The following ARHGEF10L variants were observed in gnomAD, a reference collection of about 807,000 sequenced individuals.
The protein encoded by ARHGEF10L is Rho guanine nucleotide exchange factor 10 like, also known as rho guanine nucleotide exchange factor 10-like protein.
Under a neutral mutation model 141.2 loss-of-function variants are expected in ARHGEF10L, and 69 were observed. The observed-to-expected ratio is 0.49, with a 90% confidence interval of 0.40 to 0.60. ARHGEF10L has a LOEUF of 0.60. Ranked by LOEUF, ARHGEF10L falls within the 20% of genes least tolerant of loss-of-function variation. ARHGEF10L has a pLI of 0.00. For missense variants in ARHGEF10L, 1,482 were observed against 1,734.3 expected (o/e 0.85, Z 2.58); for synonymous variants, 711 against 718.5 (o/e 0.99, Z 0.17).
At chr1:17,663,284 G>T (rs1455247947) in intron 25 of ARHGEF10L, among the ~76,000 whole-genome samples, 1 of 152,166 alleles carries the variant, frequency 6.6e-6, no homozygotes, top group East Asian at 1.9e-4. Context: ...AGGCACGGTG[G>T]CTCATGCCTG....
At chr1:17,535,615 G>A (rs1557678358), upstream of ARHGEF10L, among the ~76,000 whole-genome samples, 2 of 152,174 alleles carry the variant, frequency 1.3e-5, no homozygotes, top group Non-Finnish European at 2.9e-5. Context: ...CAGGTCAGCA[G>A]CGGAGACAAG....
At chr1:17,559,421 T>TGA (rs1215584295) in intron 1 of ARHGEF10L, among the ~76,000 whole-genome samples, 1 of 152,166 alleles carries the variant, frequency 6.6e-6, no homozygotes, top group Non-Finnish European at 1.5e-5. Context: ...CCCCTACCTC[T>TGA]GACTGATTGT....
At position 17,637,922 on chromosome 1, in the gene ARHGEF10L, G is replaced by A. The variant is rs1276151267; in HGVS notation, c.1962G>A (p.Gln654=). 1.9e-6 allele frequency: 3 copies of A among 1,600,164 alleles called. No homozygotes were observed. Among genetic ancestry groups the A allele is most frequent in the Middle Eastern group, 1.7e-4 (1 of 6,046 alleles). The part of the protein sequence containing the change: ...KVYLGPPRLF[Q]ELQDLQKDLA... The stretch of plus-strand genomic sequence containing the variant: ...ACCTCGGCCCCCCACGCCTCTTCCA[G>A]GAGCTGCAGGACCTGCAGAAGGACC... The change falls in exon 19 of 29, where the codon CAG becomes CAA. Residue 654 remains glutamine, a synonymous_variant. Coordinates refer to ENST00000361221, the MANE Select transcript of ARHGEF10L (RefSeq NM_018125.4).
At chr1:17,584,024 A>C (rs967431043) in intron 2 of ARHGEF10L, among the ~76,000 whole-genome samples, 8 of 151,814 alleles carry the variant, frequency 5.3e-5, no homozygotes, top group African/African-American at 1.9e-4. Flanking sequence ...GCCGATTTTA[A>C]AATTATTAAA....
chr1:17,572,579 GC>G (rs2078047852), intron 1 of ARHGEF10L, among the ~76,000 whole-genome samples: 1 of 152,184 alleles, frequency 6.6e-6, no homozygotes, highest in South Asian at 2.1e-4. Context: ...ATCAGAACAC[GC>G]CTGATCCCCT....
At position 17,631,111 on chromosome 1, in the gene ARHGEF10L, T is replaced by C. The variant is rs370044383; in HGVS notation, c.1585-1210T>C. Reference sequence around the variant, plus strand: ...CTGGGGGTGATCTGTCTTTTTCTCTTTGGGGAGGCTCAGGGTGATCTGTCC... The same window carrying C: ...CTGGGGGTGATCTGTCTTTTTCTCTCTGGGGAGGCTCAGGGTGATCTGTCC... On this transcript the variant is annotated intron_variant, in intron 15 of 28. Transcript: ENST00000361221. Among the ~76,000 whole-genome samples the C allele has an allele frequency of 3.6e-5, 5 of 137,186 alleles. No individual in the cohort carries two copies. The East Asian group carries it at 6.7e-4, about 19-fold the overall frequency. The allele number at this position is 137,186 out of a possible 152,430, so 90.0% of individuals were successfully genotyped here.
intron 26 of ARHGEF10L, among the ~76,000 whole-genome samples, chr1:17,682,636 C>G (rs2064214862): frequency 6.6e-6 from 1 of 152,136 alleles, no homozygotes; most frequent in Non-Finnish European, 1.5e-5. Context: ...GTGTATAAAC[C>G]TAACAGCACG....
At chr1:17,595,220 CTTTT>C (rs58475060) in intron 4 of ARHGEF10L, among the ~76,000 whole-genome samples, 25 of 106,102 alleles carry the variant, frequency 2.4e-4, no homozygotes, top group African/African-American at 7.3e-4. Context: ...CGTGGCTCAC[CTTTT>C]TTTTTTTTTT....
Position 17,687,649 on chromosome 1 carries a change from CCTT to C in ARHGEF10L, c.3089_3091del (p.Phe1030del). 1 of 1,612,742 alleles carries C rather than the reference CCTT, an allele frequency of 6.2e-7. No homozygotes were observed. The highest frequency in any genetic ancestry group is 8.5e-7 in the Non-Finnish European group (1 of 1,179,782). On this transcript the variant is annotated inframe_deletion, in exon 27 of 29. Transcript: ENST00000361221. ...AAGGCGGGCAGCGGCGTCTGGATGG[CCTT>C]CTCCTCCGGCACCTCCATCCGCCTC...
the ARHGEF10L span, among the ~76,000 whole-genome samples, chr1:17,523,378 C>T: frequency 2.6e-5 from 4 of 152,078 alleles, no homozygotes; most frequent in African/African-American, 4.8e-5. Context: ...TGTGAGCCAC[C>T]GCGCCCGGCC....
At chr1:17,533,542 C>T in the ARHGEF10L span, among the ~76,000 whole-genome samples, 1 of 152,132 alleles carries the variant, frequency 6.6e-6, no homozygotes, top group Admixed American at 6.5e-5. Context: ...ATACTAAGTC[C>T]CGTAAAGGAG....
In ARHGEF10L at chr1:17,621,765, T is replaced by G; in HGVS notation, c.943-99T>G. 1 of 1,085,378 alleles carries G rather than the reference T, an allele frequency of 9.2e-7. No homozygotes were observed. The highest frequency in any genetic ancestry group is 1.3e-5 in the South Asian group (1 of 78,598). 67.2% of individuals were successfully genotyped at this position (1,085,378 alleles called of 1,614,324 possible). Reference sequence around the variant, plus strand: ...GGTCCCAGGTGGGACCTGGGAGGGATGGGTTTCTCTGTCCTATAGTTGTCA... The same window carrying G: ...GGTCCCAGGTGGGACCTGGGAGGGAGGGGTTTCTCTGTCCTATAGTTGTCA... On this transcript the variant is annotated intron_variant, in intron 10 of 28. Transcript: ENST00000361221. This position sits in a 1 kb window ranked among gnomAD's most constrained non-coding sequence, Gnocchi z 4.1.
At chr1:17,685,656 A>G (rs1426046601) in intron 26 of ARHGEF10L, among the ~76,000 whole-genome samples, 1 of 152,246 alleles carries the variant, frequency 6.6e-6, no homozygotes, top group Non-Finnish European at 1.5e-5. Flanking sequence ...TGCAGTCATC[A>G]CGACATTTCC....
chr1:17,566,577 C>A (rs144111445), intron 1 of ARHGEF10L, among the ~76,000 whole-genome samples: 2 of 152,182 alleles, frequency 1.3e-5, no homozygotes, highest in African/African-American at 4.8e-5. Flanking sequence ...AGAAGCAGGG[C>A]CCCTGGCGGA....
At chr1:17,684,428 T>A (rs561071740) in intron 26 of ARHGEF10L, among the ~76,000 whole-genome samples, 1 of 152,266 alleles carries the variant, frequency 6.6e-6, no homozygotes, top group East Asian at 1.9e-4. Flanking sequence ...CTACTAAACC[T>A]GACTTTGCAC....
In ARHGEF10L at chr1:17,615,894, G is replaced by A. The variant is rs1570938148; in HGVS notation, c.727-200G>A. 3.5e-6 allele frequency: 2 copies of A among 563,446 alleles called. No homozygotes were observed. The highest frequency in any genetic ancestry group is 3.1e-5 in the Admixed American group (1 of 32,772). The allele number at this position is 563,446 out of a possible 1,614,324, so 34.9% of individuals were successfully genotyped here. ...AAAAAATCGGTTACAGCCTCCTGTTGCCCCTAAAGAGGGAGATCCCCGGGC... is the reference window on the plus strand; with the variant it reads ...AAAAAATCGGTTACAGCCTCCTGTTACCCCTAAAGAGGGAGATCCCCGGGC... On this transcript the variant is annotated intron_variant, in intron 8 of 28. Transcript: ENST00000361221. The surrounding 1 kb of genome is among the most constrained non-coding windows in gnomAD (Gnocchi z 4.7).
intron 11 of ARHGEF10L, among the ~76,000 whole-genome samples, 189 bp from the exon 12 acceptor site, chr1:17,622,807 G>A (rs2060176008): frequency 6.6e-6 from 1 of 152,200 alleles, no homozygotes; most frequent in Non-Finnish European, 1.5e-5. Context: ...GGTGTTGTGT[G>A]TGGCCAGTGA....
chr1:17,634,180 C>T (rs1038811907), intron 16 of ARHGEF10L: 13 of 351,436 alleles, frequency 3.7e-5, no homozygotes, highest in Non-Finnish European at 6.2e-5. Flanking sequence ...GTGGTGCCGG[C>T]GGTATGATGA....
chr1:17,621,996 G>C lies in ARHGEF10L; in HGVS notation c.1020+55G>C. ...CTGGGGAGAAGCAGGGAGGGCCCTG[G>C]AGGGTAACTTTATACGGAGTGTTTG... On this transcript the variant is annotated intron_variant, in intron 11 of 28. Coordinates refer to ENST00000361221, the MANE Select transcript of ARHGEF10L (RefSeq NM_018125.4). The surrounding 1 kb of genome is among the most constrained non-coding windows in gnomAD (Gnocchi z 4.1). The C allele has an allele frequency of 6.3e-7, 1 of 1,589,528 alleles. No homozygotes were observed. Among genetic ancestry groups the C allele is most frequent in the Middle Eastern group, 1.7e-4 (1 of 6,030 alleles).
Sources: gnomAD v4.1 joint callset for allele counts (sites outside exome capture counted in the v4.1 genomes callset) on GRCh38, gnomAD v4.1.1 for gene constraint, Gnocchi (gnomAD v3.1) non-coding constraint, MANE v1.5 for transcripts, NCBI Gene and HGNC (gene_info 2026-07-23, HGNC 2026-07-21) for gene names.